CLOCK: variants seen among roughly 807,000 people sequenced by gnomAD.
The protein encoded by CLOCK is circadian locomoter output cycles protein kaput.
CLOCK carries 43 observed loss-of-function variants against 118.4 expected under a neutral mutation model. That is an observed-to-expected ratio of 0.36 (90% CI 0.28 to 0.47). The LOEUF is 0.47. CLOCK is among the 20% of genes least tolerant of loss of function. The pLI, the probability that CLOCK is intolerant of heterozygous loss-of-function variation, is 1.00. For missense variants in CLOCK, 846 were observed against 999.9 expected (o/e 0.85, Z 2.08); for synonymous variants, 326 against 339.2 (o/e 0.96, Z 0.43).
intron 8 of CLOCK, among the ~76,000 whole-genome samples, chr4:55,469,390 C>T (rs1345316454): frequency 6.6e-6 from 1 of 152,088 alleles, no homozygotes; most frequent in African/African-American, 2.4e-5. Flanking sequence ...GCCACCACAC[C>T]CAGACTTATA....
rs538486101 is a variant in CLOCK, at chr4:55,525,659, G to A, written c.-289-15594C>T. On this transcript the variant is annotated intron_variant, in intron 1 of 22. Coordinates refer to ENST00000513440, the MANE Select transcript of CLOCK (RefSeq NM_004898.4). ...AATTTTTTGTATTTTTAGTAGACAC[G>A]GGGTTTCACCATGTTGGCCAGGCTG... Among the ~76,000 whole-genome samples the A allele has an allele frequency of 1.4e-4, 22 of 151,894 alleles. 1 individual carries two copies. The highest frequency in any genetic ancestry group is 1.0e-3 in the South Asian group (5 of 4,810).
intron 1 of CLOCK, among the ~76,000 whole-genome samples, chr4:55,544,635 A>C (rs1731491094): frequency 6.6e-6 from 1 of 152,234 alleles, no homozygotes; most frequent in African/African-American, 2.4e-5. Context: ...AAATGACTCA[A>C]ATCACCATAA....
chr4:55,543,498 T>C lies in CLOCK; in HGVS notation c.-290+3284A>G, dbSNP rs1731412936. Among the ~76,000 whole-genome samples, 2 of 152,202 alleles carry C rather than the reference T, an allele frequency of 1.3e-5. 1 individual carries two copies. Among genetic ancestry groups the C allele is most frequent in the Non-Finnish European group, 2.9e-5 (2 of 68,036 alleles). The stretch of plus-strand genomic sequence containing the variant: ...AGATCATACAGTGGTGTTAACAGTG[T>C]TACCCTTCAGTCAAGGGTATACGAG... On this transcript the variant is annotated intron_variant, in intron 1 of 22. Transcript: ENST00000513440.
intron 6 of CLOCK, among the ~76,000 whole-genome samples, chr4:55,476,439 G>C (rs995948388): frequency 6.6e-6 from 1 of 152,110 alleles, no homozygotes. Flanking sequence ...GTCTAGAGCA[G>C]CACTAGGGAA....
In CLOCK at chr4:55,449,475, G is replaced by A. The variant is rs774978617; in HGVS notation, c.1370C>T (p.Thr457Met). ...CTGCCTGGGTGGAGTGCTCGTATCC[G>A]TCGGGATCTTGGTTGGTGTTGCTGA... is the stretch of plus-strand genomic sequence containing the variant. ...DPSSTPTKIP[T>M]DTSTPPRQHL... Residue 457 changes from threonine to methionine, a missense_variant, in exon 17 of 23, where the codon ACG becomes ATG. Physicochemically the swap from Thr to Met is moderately conservative, Grantham distance 81. This residue lies in a region of CLOCK where 520 missense variants were observed against 558.0 expected (regional missense o/e 0.93). Coordinates refer to ENST00000513440, the MANE Select transcript of CLOCK (RefSeq NM_004898.4). 2.4e-5 allele frequency: 38 copies of A among 1,613,964 alleles called. No individual in the cohort carries two copies. Among genetic ancestry groups the A allele is most frequent in the African/African-American group, 4.0e-5 (3 of 75,026 alleles).
At position 55,501,909 on chromosome 4, in the gene CLOCK, T is replaced by C. The variant is rs73153653; in HGVS notation, c.-136+8003A>G. ...TATTTGAAGCAAATCCCAAGTACTG[T>C]ATCATTCCATCTGTAAACAGTCCAG... On this transcript the variant is annotated intron_variant, in intron 2 of 22. Transcript: ENST00000513440. 4.0e-3 allele frequency among the ~76,000 whole-genome samples: 608 copies of C among 152,330 alleles called. 4 individuals are homozygous for C. The highest frequency in any genetic ancestry group is 0.014 in the African/African-American group (580 of 41,564).
chr4:55,449,268 G>A (rs1577697355), intron 17 of CLOCK, 128 bp downstream of exon 17: 1 of 807,766 alleles, frequency 1.2e-6, no homozygotes, highest in East Asian at 2.5e-5. Flanking sequence ...TTAAGTAAGT[G>A]TCACATATCA....
At chr4:55,482,104 A>T (rs1391606153) in intron 4 of CLOCK, among the ~76,000 whole-genome samples, 1 of 152,156 alleles carries the variant, frequency 6.6e-6, no homozygotes, top group East Asian at 1.9e-4. Context: ...TTTCTTTTCT[A>T]CTTTTACTTT....
chr4:55,437,007 A>C (rs925547017), intron 22 of CLOCK, among the ~76,000 whole-genome samples: 1 of 146,782 alleles, frequency 6.8e-6, no homozygotes, highest in Non-Finnish European at 1.5e-5. Context: ...GCTTATGCTT[A>C]ATTCTCATTG....
Position 55,449,487 on chromosome 4 carries a change from G to T in CLOCK, c.1358C>A (p.Thr453Asn). 6.2e-7 allele frequency: 1 copy of T among 1,613,986 alleles called. No individual in the cohort carries two copies. Among genetic ancestry groups the T allele is most frequent in the South Asian group, 1.1e-5 (1 of 91,086 alleles). Residue 453 changes from threonine to asparagine, a missense_variant, in exon 17 of 23, where the codon ACC becomes AAC. Physicochemically the swap from Thr to Asn is moderately conservative, Grantham distance 65 (BLOSUM62 0). Around this residue, in one of 4 missense-constraint regions of CLOCK, gnomAD observed 520 missense variants for 558.0 expected, o/e 0.93. Transcript: ENST00000513440. ...TAVSDPSSTP[T>N]KIPTDTSTPP... ...AGTGCTCGTATCCGTCGGGATCTTG[G>T]TTGGTGTTGCTGAAGTCAACAAAAT...
intron 2 of CLOCK, among the ~76,000 whole-genome samples, chr4:55,506,326 G>A (rs1245609768): frequency 2.6e-5 from 4 of 151,886 alleles, no homozygotes; most frequent in Non-Finnish European, 5.9e-5. Flanking sequence ...GGGACTAGGG[G>A]TGCATACCAA....
chr4:55,453,137 T>C lies in CLOCK; in HGVS notation c.1131-8A>G, dbSNP rs200672436. 42 of 1,610,452 alleles carry C rather than the reference T, an allele frequency of 2.6e-5. No individual in the cohort carries two copies. Among genetic ancestry groups the C allele is most frequent in the East Asian group, 8.9e-5 (4 of 44,754 alleles). ...GCCCTAACTTCTGCATAACTACAAA[T>C]GGAAAAAATAATCAAATTTTAGTGT... On this transcript the variant is annotated splice_polypyrimidine_tract_variant and splice_region_variant and intron_variant, in intron 14 of 22. Coordinates refer to ENST00000513440, the MANE Select transcript of CLOCK (RefSeq NM_004898.4).
At chr4:55,496,968 T>C (rs1728122450) in intron 2 of CLOCK, among the ~76,000 whole-genome samples, 1 of 152,256 alleles carries the variant, frequency 6.6e-6, no homozygotes, top group Non-Finnish European at 1.5e-5. Flanking sequence ...AATCATGATA[T>C]AAACTTTATG....
In CLOCK at chr4:55,472,670, T is replaced by TA. The variant is rs934571564; in HGVS notation, c.349-1865dup. ...GTATATAATTTATAGAGCTGGGAGTTAGAGTAACCTTTCCTAACTCTATGT... is the reference window on the plus strand; with the variant it reads ...GTATATAATTTATAGAGCTGGGAGTTAAGAGTAACCTTTCCTAACTCTATGT... On this transcript the variant is annotated intron_variant, in intron 7 of 22. Coordinates refer to ENST00000513440, the MANE Select transcript of CLOCK (RefSeq NM_004898.4). Among the ~76,000 whole-genome samples, 5 of 152,130 alleles carry TA rather than the reference T, an allele frequency of 3.3e-5. No individual in the cohort carries two copies. In the East Asian group the frequency reaches 5.8e-4, roughly 18 times the overall value.
intron 1 of CLOCK, among the ~76,000 whole-genome samples, chr4:55,512,026 CT>C (rs1394603380): frequency 1.3e-5 from 2 of 151,764 alleles, no homozygotes; most frequent in Admixed American, 1.3e-4. Context: ...ATTTTGGTTG[CT>C]TCCAAGTTTT....
intron 9 of CLOCK, among the ~76,000 whole-genome samples, chr4:55,461,205 G>C (rs1007228741): frequency 2.0e-5 from 3 of 152,164 alleles, no homozygotes; most frequent in Admixed American, 1.3e-4. Flanking sequence ...TGAGATTATA[G>C]GCGTGAACAA....
chr4:55,443,562 A>G, intron 20 of CLOCK, 125 bp downstream of exon 20: 1 of 778,434 alleles, frequency 1.3e-6, no homozygotes, highest in Non-Finnish European at 2.2e-6. Flanking sequence ...TCTCAATACT[A>G]TACTTTCTAA....
At chr4:55,511,672 T>G (rs187046535) in intron 1 of CLOCK, among the ~76,000 whole-genome samples, 1 of 152,184 alleles carries the variant, frequency 6.6e-6, no homozygotes, top group African/African-American at 2.4e-5. Context: ...GTACATTTTA[T>G]GAATTTGGAC....
Position 55,450,242 on chromosome 4 carries a change from C to G in CLOCK, c.1207-10G>C, listed in dbSNP as rs1321036113. ...ACCCAGAATCTTGGCTCTATGGAGA[C>G]AGAGTAAAATAAATGTTTTCTTGTG... On this transcript the variant is annotated splice_polypyrimidine_tract_variant and intron_variant, in intron 15 of 22. Coordinates refer to ENST00000513440, the MANE Select transcript of CLOCK (RefSeq NM_004898.4). 5 of 1,613,738 alleles carry G rather than the reference C, an allele frequency of 3.1e-6. No homozygotes were observed. In the South Asian group the frequency reaches 5.5e-5, roughly 18 times the overall value.
Sources: allele counts gnomAD v4.1 joint callset (sites outside exome capture counted in the v4.1 genomes callset), GRCh38; gene constraint gnomAD v4.1.1; regional missense constraint gnomAD v4.1.1; transcripts MANE v1.5; gene names NCBI Gene and HGNC (gene_info 2026-07-23, HGNC 2026-07-21).